The following FHIT variants were observed in gnomAD, a reference collection of about 807,000 sequenced individuals.
FHIT encodes the protein bis(5'-adenosyl)-triphosphatase.
Under a neutral mutation model 17.9 loss-of-function variants are expected in FHIT, and 19 were observed. That is an observed-to-expected ratio of 1.06 (90% CI 0.74 to 1.56). FHIT has a LOEUF of 1.56. Among genes scored for constraint, FHIT ranks in the 40% most tolerant of loss-of-function variants. FHIT has a pLI of 0.00. For synonymous variants in FHIT, 81 were observed against 69.7 expected, an observed-to-expected ratio of 1.16 and a Z score of -0.81; for missense variants, 248 against 189.2, an observed-to-expected ratio of 1.31 and a Z score of -1.82.
intron 2 of FHIT, among the ~76,000 whole-genome samples, chr3:61,088,068 T>C (rs369479400): frequency 6.6e-6 from 1 of 152,046 alleles, no homozygotes; most frequent in South Asian, 2.1e-4. Flanking sequence ...AATTCAAAAT[T>C]CTTAGAAGAG....
intron 5 of FHIT, among the ~76,000 whole-genome samples, chr3:60,374,003 C>T (rs1170588491): frequency 6.6e-6 from 1 of 152,184 alleles, no homozygotes; most frequent in Non-Finnish European, 1.5e-5. Flanking sequence ...ATTGCAATTA[C>T]TACATGTATC....
chr3:61,088,655 A>G (rs1256594949), intron 2 of FHIT, among the ~76,000 whole-genome samples: 1 of 152,172 alleles, frequency 6.6e-6, no homozygotes, highest in Non-Finnish European at 1.5e-5. Context: ...ATTAATATTC[A>G]CCAATGCCAA....
At chr3:60,340,880 T>C (rs1472131522) in intron 5 of FHIT, among the ~76,000 whole-genome samples, 1 of 151,992 alleles carries the variant, frequency 6.6e-6, no homozygotes, top group Non-Finnish European at 1.5e-5. Flanking sequence ...TTAGTAGAGA[T>C]GGGGTTTCAC....
At chr3:60,305,972 G>T (rs1463406877) in intron 5 of FHIT, among the ~76,000 whole-genome samples, 1 of 152,064 alleles carries the variant, frequency 6.6e-6, no homozygotes, top group Non-Finnish European at 1.5e-5. Flanking sequence ...TGTTTATAAA[G>T]GTCACAACAA....
At chr3:59,765,674 A>AAAAC (rs1323481361) in intron 8 of FHIT, among the ~76,000 whole-genome samples, 4 of 152,190 alleles carry the variant, frequency 2.6e-5, no homozygotes, top group Non-Finnish European at 4.4e-5. Context: ...ACCTCTTTTG[A>AAAAC]AAACAGTTTA....
intron 5 of FHIT, among the ~76,000 whole-genome samples, chr3:60,132,565 T>C (rs1054969522): frequency 6.6e-6 from 1 of 152,184 alleles, no homozygotes; most frequent in African/African-American, 2.4e-5. Flanking sequence ...CATCCCTAGT[T>C]GGAAGATACT....
At chr3:60,640,765 G>A (rs2039705971) in intron 4 of FHIT, among the ~76,000 whole-genome samples, 2 of 152,168 alleles carry the variant, frequency 1.3e-5, no homozygotes, top group African/African-American at 4.8e-5. Flanking sequence ...ATTAAAGAAT[G>A]CTTGCTCATT....
chr3:60,863,564 C>G (rs1266533283), intron 3 of FHIT, among the ~76,000 whole-genome samples: 1 of 152,120 alleles, frequency 6.6e-6, no homozygotes, highest in Non-Finnish European at 1.5e-5. Flanking sequence ...CTGAGGTTTA[C>G]TAAACACTTG....
chr3:61,005,428 G>A (rs551894950), intron 3 of FHIT, among the ~76,000 whole-genome samples: 30 of 152,056 alleles, frequency 2.0e-4, no homozygotes, highest in Non-Finnish European at 3.8e-4. Flanking sequence ...TGATGGTGAT[G>A]GTACTGGTGA....
chr3:60,158,041 T>A (rs1350955748), intron 5 of FHIT, among the ~76,000 whole-genome samples: 1 of 152,128 alleles, frequency 6.6e-6, no homozygotes, highest in East Asian at 1.9e-4. Flanking sequence ...CACTATGTGG[T>A]CCAAATTGGT....
intron 2 of FHIT, among the ~76,000 whole-genome samples, chr3:61,069,393 A>G (rs566083563): frequency 1.3e-5 from 2 of 152,328 alleles, no homozygotes; most frequent in Admixed American, 6.5e-5. Context: ...ATTCTGAAGC[A>G]ATTGCTCTGG....
At chr3:60,099,476 A>G (rs1704102280) in intron 5 of FHIT, among the ~76,000 whole-genome samples, 2 of 152,132 alleles carry the variant, frequency 1.3e-5, no homozygotes, top group Non-Finnish European at 2.9e-5. Flanking sequence ...TTCTGACCCA[A>G]TCAGTAGGAC....
In FHIT at chr3:60,377,567, C is replaced by T. The variant is rs538073359; in HGVS notation, c.103+159293G>A. 2.2e-3 allele frequency among the ~76,000 whole-genome samples: 312 copies of T among 144,250 alleles called. 1 individual carries two copies. Among genetic ancestry groups the T allele is most frequent in the Non-Finnish European group, 4.0e-3 (269 of 66,534 alleles). The allele number at this position is 144,250 out of a possible 152,430, so 94.6% of individuals were successfully genotyped here. Reference sequence around the variant, plus strand: ...CGCAATCTCGGCTCACTGCAAGCTCCGCTTCCCGGGTTCACGCCATTCTCC... The same window carrying T: ...CGCAATCTCGGCTCACTGCAAGCTCTGCTTCCCGGGTTCACGCCATTCTCC... On this transcript the variant is annotated intron_variant, in intron 5 of 9. Coordinates refer to ENST00000492590, the MANE Select transcript of FHIT (RefSeq NM_002012.4).
intron 5 of FHIT, among the ~76,000 whole-genome samples, chr3:60,111,194 C>T (rs755478556): frequency 6.6e-5 from 10 of 152,104 alleles, no homozygotes; most frequent in Non-Finnish European, 1.3e-4. Flanking sequence ...TAGTCTTTTA[C>T]AAAGACTGTG....
intron 5 of FHIT, among the ~76,000 whole-genome samples, chr3:60,522,972 A>G (rs997968022): frequency 1.6e-4 from 25 of 152,180 alleles, no homozygotes; most frequent in African/African-American, 6.0e-4. Flanking sequence ...CCTCACAATC[A>G]TGGCAGAAGT....
chr3:60,034,539 C>T (rs1379002362), intron 5 of FHIT, among the ~76,000 whole-genome samples: 4 of 152,122 alleles, frequency 2.6e-5, no homozygotes, highest in East Asian at 1.9e-4. Flanking sequence ...AAGAAATGTC[C>T]GTGGTATATC....
chr3:60,614,840 TTG>T lies in FHIT; in HGVS notation c.-17-77863_-17-77862del, dbSNP rs1189071328. On this transcript the variant is annotated intron_variant, in intron 4 of 9. Coordinates refer to ENST00000492590, the MANE Select transcript of FHIT (RefSeq NM_002012.4). Reference sequence around the variant, plus strand: ...TTTTTGTTTTTTTTTTGTTTTTTTTTTGTTTTTTGAGATGGAGCCCTGCTCTG... The same window carrying T: ...TTTTTGTTTTTTTTTTGTTTTTTTTTTTTTTTGAGATGGAGCCCTGCTCTG... 9.0e-3 allele frequency among the ~76,000 whole-genome samples: 603 copies of T among 67,158 alleles called. 54 individuals carry two copies. The highest frequency in any genetic ancestry group is 0.019 in the Non-Finnish European group (482 of 25,784). 44.1% of individuals were successfully genotyped at this position (67,158 alleles called of 152,430 possible).
At chr3:59,953,333 G>C (rs1707218166) in intron 7 of FHIT, among the ~76,000 whole-genome samples, 1 of 151,760 alleles carries the variant, frequency 6.6e-6, no homozygotes, top group African/African-American at 2.4e-5. Context: ...TGCGTGCATT[G>C]GGTCCTTGTG....
At chr3:60,411,191 A>G (rs565255815) in intron 5 of FHIT, among the ~76,000 whole-genome samples, 15 of 152,310 alleles carry the variant, frequency 9.8e-5, no homozygotes, top group African/African-American at 3.6e-4. Flanking sequence ...TATTCTTTAC[A>G]TATTAGAAAA....
Sources: gnomAD v4.1 joint callset for allele counts (sites outside exome capture counted in the v4.1 genomes callset) on GRCh38, gnomAD v4.1.1 for gene constraint, MANE v1.5 for transcripts, NCBI Gene and HGNC (gene_info 2026-07-23, HGNC 2026-07-21) for gene names.